Variants in VAMP7 observed in about 807,000 individuals in gnomAD.
VAMP7 encodes the protein vesicle associated membrane protein 7, also known as vesicle-associated membrane protein 7.
A neutral mutation model predicts 29.6 loss-of-function variants in VAMP7; 14 were observed. That is an observed-to-expected ratio of 0.47 (90% CI 0.31 to 0.74). VAMP7 has a LOEUF of 0.74. Among genes scored for constraint, VAMP7 ranks in the 30% least tolerant of loss-of-function variants. VAMP7 has a pLI of 0.05. For missense variants in VAMP7, 223 were observed against 262.4 expected (o/e 0.85, Z 1.04); for synonymous variants, 95 against 88.1 (o/e 1.08, Z -0.44).
intron 2 of VAMP7, among the ~76,000 whole-genome samples, chrX:155,893,449 A>T (rs944858271): frequency 2.0e-5 from 3 of 152,162 alleles, no homozygotes; most frequent in African/African-American, 4.8e-5. Flanking sequence ...AGAAAACGTT[A>T]GTGTAGAGGG....
At chrX:155,903,991 G>A (rs1256488211) in intron 5 of VAMP7, among the ~76,000 whole-genome samples, 4 of 151,980 alleles carry the variant, frequency 2.6e-5, no homozygotes, top group Non-Finnish European at 2.9e-5. Flanking sequence ...TTAAGAAAAT[G>A]TGGCACATAT....
Position 155,918,541 on chromosome X carries a change from G to T in VAMP7, c.434-1272G>T, listed in dbSNP as rs781750798. Among the ~76,000 whole-genome samples the T allele has an allele frequency of 2.6e-5, 4 of 152,268 alleles. No individual in the cohort carries two copies. In the South Asian group the frequency reaches 8.3e-4, roughly 32 times the overall value. ...ATTCCTCACGGCACGGTCCCTCAAG[G>T]CTTCCCTTGGTTAGGGGAGGGAGTT... On this transcript the variant is annotated intron_variant, in intron 5 of 7. Transcript: ENST00000286448.
At chrX:155,924,107 T>C (rs2066435133) in intron 6 of VAMP7, among the ~76,000 whole-genome samples, 1 of 152,174 alleles carries the variant, frequency 6.6e-6, no homozygotes, top group Admixed American at 6.5e-5. Context: ...ATTTGCCGCA[T>C]CCCTGTCCTC....
intron 1 of VAMP7, among the ~76,000 whole-genome samples, chrX:155,883,802 C>A (rs2065833634): frequency 6.6e-6 from 1 of 151,540 alleles, no homozygotes; most frequent in Non-Finnish European, 1.5e-5. Context: ...CCTCCGCCTC[C>A]CAGGTTCAAG....
At chrX:155,918,048 T>C (rs2066338033) in intron 5 of VAMP7, among the ~76,000 whole-genome samples, 1 of 152,134 alleles carries the variant, frequency 6.6e-6, no homozygotes, top group South Asian at 2.1e-4. Flanking sequence ...TACAGGGACT[T>C]TGCGGAGCTG....
Position 155,901,687 on chromosome X carries a change from T to C in VAMP7, c.433+1100T>C, listed in dbSNP as rs1394688263. Among the ~76,000 whole-genome samples the C allele has an allele frequency of 3.9e-5, 6 of 152,136 alleles. No homozygotes were observed. The East Asian group carries it at 9.6e-4, about 24-fold the overall frequency. On this transcript the variant is annotated intron_variant, in intron 5 of 7. Transcript: ENST00000286448. ...GTCAAAGATCAGATGGTTGTAGATATGTGGCGTTATTTCTGAGGGCTCTGT... is the reference window on the plus strand; with the variant it reads ...GTCAAAGATCAGATGGTTGTAGATACGTGGCGTTATTTCTGAGGGCTCTGT...
chrX:155,919,823 T>G lies in VAMP7; in HGVS notation c.444T>G (p.Ala148=). The part of the protein sequence containing the change: ...GIMVRNIDLV[A]QRGERLELLI... Reference sequence around the variant, plus strand: ...TTCCAATATTTTCAGATCTGGTAGCTCAGCGAGGAGAAAGATTGGAATTAT... The same window carrying G: ...TTCCAATATTTTCAGATCTGGTAGCGCAGCGAGGAGAAAGATTGGAATTAT... The change falls in exon 6 of 8, where the codon GCT becomes GCG. Residue 148 remains alanine, a synonymous_variant. Transcript: ENST00000286448. 1 of 1,613,184 alleles carries G rather than the reference T, an allele frequency of 6.2e-7. No individual in the cohort carries two copies.
chrX:155,888,711 A>C (rs1384082493), intron 1 of VAMP7, among the ~76,000 whole-genome samples: 1 of 152,062 alleles, frequency 6.6e-6, no homozygotes, highest in Non-Finnish European at 1.5e-5. Flanking sequence ...GGAAGCTTTG[A>C]GTTATTTTCA....
intron 2 of VAMP7, among the ~76,000 whole-genome samples, chrX:155,891,679 G>T (rs1602913191): frequency 6.6e-6 from 1 of 152,322 alleles, no homozygotes; most frequent in East Asian, 1.9e-4. Context: ...CCAGGAAGTG[G>T]TTAGTGGTTC....
chrX:155,922,295 T>C (rs2066407546), intron 6 of VAMP7, among the ~76,000 whole-genome samples: 1 of 152,108 alleles, frequency 6.6e-6, no homozygotes, highest in Admixed American at 6.5e-5. Context: ...CATCCTTGCC[T>C]ATTGACCATC....
At chrX:155,940,202 T>C (rs978404190) in intron 7 of VAMP7, among the ~76,000 whole-genome samples, 1 of 152,130 alleles carries the variant, frequency 6.6e-6, no homozygotes, top group African/African-American at 2.4e-5. Flanking sequence ...TCCTCAGTAA[T>C]TTTTGAGTGT....
In VAMP7 at chrX:155,927,899, TTTG is replaced by T. The variant is rs374422359; in HGVS notation, c.501+8040_501+8042del. On this transcript the variant is annotated intron_variant, in intron 6 of 7. Coordinates refer to ENST00000286448, the MANE Select transcript of VAMP7 (RefSeq NM_005638.6). ...AATGATTCTTACCCCACCTTTGGCT[TTTG>T]TTGTTGTTGTTGTTGTTGTTTGTTT... Among the ~76,000 whole-genome samples the T allele has an allele frequency of 1.7e-3, 254 of 151,656 alleles. 3 individuals carry two copies. Among genetic ancestry groups the T allele is most frequent in the African/African-American group, 5.4e-3 (222 of 41,376 alleles).
chrX:155,909,605 A>C (rs1462212371), intron 5 of VAMP7, among the ~76,000 whole-genome samples: 1 of 152,188 alleles, frequency 6.6e-6, no homozygotes, highest in Non-Finnish European at 1.5e-5. Context: ...GTCTTAGCTC[A>C]GGCTGCCATA....
chrX:155,900,658 T>C (rs922952484), intron 5 of VAMP7, 71 bp downstream of exon 5: 18 of 1,392,624 alleles, frequency 1.3e-5, no homozygotes, highest in Admixed American at 2.0e-5. Context: ...GGTCAAATTA[T>C]TCTAGAGAAG....
chrX:155,900,575 G>T lies in VAMP7; in HGVS notation c.421G>T (p.Val141Phe), dbSNP rs756165763. Residue 141 changes from valine to phenylalanine, a missense_variant, in exon 5 of 8, where the codon GTC (valine) becomes TTC (phenylalanine). Transcript: ENST00000286448. ...AQVDELKGIM[V>F]RNIDLVAQRG... ...AGTGGATGAACTGAAAGGAATCATG[G>T]TCAGAAACATAGGTATGTTTCATGG... is the stretch of plus-strand genomic sequence containing the variant. 5 of 1,607,330 alleles carry T rather than the reference G, an allele frequency of 3.1e-6. No homozygotes were observed. The South Asian group carries it at 4.5e-5, about 14-fold the overall frequency.
chrX:155,939,262 C>G (rs1285943828), intron 6 of VAMP7, among the ~76,000 whole-genome samples: 1 of 152,116 alleles, frequency 6.6e-6, no homozygotes, highest in Non-Finnish European at 1.5e-5. Flanking sequence ...GGTTTTGGCC[C>G]TCACAAAAGT....
chrX:155,928,641 C>G (rs1046739657), intron 6 of VAMP7, among the ~76,000 whole-genome samples: 1 of 152,194 alleles, frequency 6.6e-6, no homozygotes, highest in Non-Finnish European at 1.5e-5. Context: ...CCAGGATACT[C>G]TCTTCATCTC....
intron 6 of VAMP7, among the ~76,000 whole-genome samples, chrX:155,932,914 G>T (rs180969120): frequency 1.3e-5 from 2 of 152,014 alleles, no homozygotes; most frequent in African/African-American, 4.8e-5. Flanking sequence ...TAGCATGAAG[G>T]GCTGTTGAAT....
intron 6 of VAMP7, among the ~76,000 whole-genome samples, chrX:155,930,363 A>T (rs890980450): frequency 1.3e-5 from 2 of 152,088 alleles, no homozygotes; most frequent in African/African-American, 4.8e-5. Context: ...AAGGCTGTGC[A>T]TGGTAGCTCA....
Sources: gnomAD v4.1 joint callset for allele counts (sites outside exome capture counted in the v4.1 genomes callset) on GRCh38, gnomAD v4.1.1 for gene constraint, MANE v1.5 for transcripts, NCBI Gene and HGNC (gene_info 2026-07-23, HGNC 2026-07-21) for gene names.